The following BCL6 variants were observed in gnomAD, a reference collection of about 807,000 sequenced individuals.
The protein encoded by BCL6 is B-cell lymphoma 6 protein.
BCL6 carries 7 observed loss-of-function variants against 59.5 expected under a neutral mutation model. That is an observed-to-expected ratio of 0.12 (90% confidence interval 0.07 to 0.22). The LOEUF (loss-of-function observed/expected upper bound fraction) is 0.22, where lower values mean the gene tolerates loss of function less well. Ranked by LOEUF, BCL6 falls within the 10% of genes least tolerant of loss-of-function variation. The probability of loss-of-function intolerance (pLI) is 1.00; values close to 1 mark genes in which losing one functional copy is unlikely to be tolerated. For missense variants in BCL6, 685 were observed against 939.4 expected (o/e 0.73, Z 3.54); for synonymous variants, 339 against 349.7 (o/e 0.97, Z 0.34).
At chr3:187,744,198 A>G (rs187715689) in intron 1 of BCL6, among the ~76,000 whole-genome samples, 1 of 152,146 alleles carries the variant, frequency 6.6e-6, no homozygotes, top group African/African-American at 2.4e-5. Flanking sequence ...GCAGCGCCCA[A>G]AATACAAACA....
Position 187,729,491 on chromosome 3 carries a change from C to T in BCL6, c.914G>A (p.Arg305Lys), listed in dbSNP as rs1303425150. Reference protein sequence around the residue: ...PCDKASKEEERPSSEDEIALH... With the variant: ...PCDKASKEEEKPSSEDEIALH... ...GGCAATCTCATCTTCCGAGGAGGGT[C>T]TCTCTTCTTCTTTGCTGGCCTTGTC... The change falls in exon 5 of 10, where the codon AGA becomes AAA. Residue 305 changes from arginine (R) to lysine (K), a missense_variant. Physicochemically the swap from Arg to Lys is conservative, Grantham distance 26. This residue lies in a region of BCL6 where 268 missense variants were observed against 263.8 expected (regional missense o/e 1.02). Coordinates refer to ENST00000406870, the MANE Select transcript of BCL6 (RefSeq NM_001706.5). The surrounding 1 kb of genome is among the most constrained non-coding windows in gnomAD (Gnocchi z 5.6). The T allele has an allele frequency of 3.7e-6, 6 of 1,613,090 alleles. No homozygotes were observed. The highest frequency in any genetic ancestry group is 1.1e-5 in the South Asian group (1 of 91,030).
Position 187,729,992 on chromosome 3 carries a change from G to C in BCL6, c.413C>G (p.Pro138Arg), listed in dbSNP as rs555800838. The C allele has an allele frequency of 2.5e-6, 4 of 1,578,486 alleles. No homozygotes were observed. Among genetic ancestry groups the C allele is most frequent in the Non-Finnish European group, 3.4e-6 (4 of 1,160,604 alleles). The change falls in exon 5 of 10, where the codon CCT becomes CGT. Residue 138 changes from proline to arginine, a missense_variant. Pro to Arg is a moderately radical substitution (Grantham distance 103). Transcript: ENST00000406870. This position sits in a 1 kb window ranked among gnomAD's most constrained non-coding sequence, Gnocchi z 5.6. ...GCTGTTGAGGAACTCTTCACGAGGA[G>C]GCTTGATGGCAGAAACCATCTCTGC... ...SEAEMVSAIK[P>R]PREEFLNSRM... is the part of the protein sequence containing the mutation.
chr3:187,742,862 G>C (rs992776032), intron 1 of BCL6, among the ~76,000 whole-genome samples: 1 of 152,056 alleles, frequency 6.6e-6, no homozygotes, highest in South Asian at 2.1e-4. Context: ...TCTTCTTTGA[G>C]CTCATGTTTG....
At chr3:187,733,180 C>T (rs187066911) in intron 3 of BCL6, among the ~76,000 whole-genome samples, 1 of 152,252 alleles carries the variant, frequency 6.6e-6, no homozygotes, top group Non-Finnish European at 1.5e-5. Context: ...AATTAACTTG[C>T]TTAAGCTACT....
intron 1 of BCL6, among the ~76,000 whole-genome samples, chr3:187,745,179 A>C (rs577114077): frequency 6.6e-6 from 1 of 152,274 alleles, no homozygotes; most frequent in African/African-American, 2.4e-5. Context: ...CGTGGGACTA[A>C]TCTTCGGCAT....
rs545407662 is a variant in BCL6, at chr3:187,725,073, G to C, written c.1845C>G (p.Ala615=). 1.6e-5 allele frequency: 26 copies of C among 1,614,076 alleles called. No homozygotes were observed. The African/African-American group carries it at 3.3e-4, about 21-fold the overall frequency. The part of the protein sequence containing the change: ...ETCGARFVQV[A]HLRAHVLIHT... ...GGATAAGCACATGGGCACGGAGGTG[G>C]GCCACCTGAACGAAGAAGAAGGCAT... is the stretch of plus-strand genomic sequence containing the variant. Residue 615 remains alanine (A), a synonymous_variant, in exon 9 of 10, where the codon GCC becomes GCG. Transcript: ENST00000406870. This position sits in a 1 kb window ranked among gnomAD's most constrained non-coding sequence, Gnocchi z 4.7.
intron 1 of BCL6, among the ~76,000 whole-genome samples, chr3:187,745,106 T>G (rs556453386): frequency 2.6e-5 from 4 of 152,204 alleles, no homozygotes; most frequent in Middle Eastern, 3.4e-3. Flanking sequence ...ACCGGCCGAT[T>G]CACTCAAAGA....
intron 1 of BCL6, among the ~76,000 whole-genome samples, chr3:187,741,763 C>T (rs1711605760): frequency 6.6e-6 from 1 of 152,226 alleles, no homozygotes; most frequent in Admixed American, 6.5e-5. Context: ...CACAAACCTC[C>T]TCAACACACC....
intron 9 of BCL6, 139 bp downstream of exon 9, chr3:187,724,802 T>C: frequency 8.1e-7 from 1 of 1,230,696 alleles, no homozygotes; most frequent in Non-Finnish European, 1.1e-6. Flanking sequence ...ATTAGCGTAG[T>C]GGTTGCCCCA....
At chr3:187,724,308 A>G (rs1190111943) in intron 9 of BCL6, among the ~76,000 whole-genome samples, 1 of 152,198 alleles carries the variant, frequency 6.6e-6, no homozygotes, top group Non-Finnish European at 1.5e-5. Context: ...AACTGTAAAA[A>G]CCATTCCTAG....
intron 1 of BCL6, among the ~76,000 whole-genome samples, chr3:187,745,179 A>G (rs577114077): frequency 1.3e-5 from 2 of 152,270 alleles, no homozygotes; most frequent in South Asian, 2.1e-4. Context: ...CGTGGGACTA[A>G]TCTTCGGCAT....
At chr3:187,744,885 G>A (rs1711835531) in intron 1 of BCL6, among the ~76,000 whole-genome samples, 1 of 152,252 alleles carries the variant, frequency 6.6e-6, no homozygotes, top group East Asian at 1.9e-4. Context: ...ATCACAAGCC[G>A]TACGCAAGCA....
At chr3:187,741,067 C>T (rs1227181980) in intron 1 of BCL6, among the ~76,000 whole-genome samples, 1 of 152,300 alleles carries the variant, frequency 6.6e-6, no homozygotes, top group South Asian at 2.1e-4. Context: ...CGAGAATCGC[C>T]GCGCGGCCGC....
chr3:187,729,255 T>G lies in BCL6; in HGVS notation c.1150A>C (p.Asn384His). The change falls in exon 5 of 10, where the codon AAC becomes CAC. Residue 384 changes from asparagine (N) to histidine (H), a missense_variant. Asn to His is a moderately conservative substitution (Grantham distance 68). Transcript: ENST00000406870. The surrounding 1 kb of genome is among the most constrained non-coding windows in gnomAD (Gnocchi z 5.6). ...NWKKYKFIVL[N>H]SLNQNAKPEG... ...GGTTTGGCATTCTGGTTGAGGCTGT[T>G]GAGCACGATGAACTTGTATTTCTTC... is the stretch of plus-strand genomic sequence containing the variant. 1 of 1,614,124 alleles carries G rather than the reference T, an allele frequency of 6.2e-7. No homozygotes were observed. Among genetic ancestry groups the G allele is most frequent in the Non-Finnish European group, 8.5e-7 (1 of 1,180,016 alleles).
intron 3 of BCL6, among the ~76,000 whole-genome samples, chr3:187,732,766 G>T (rs978303108): frequency 5.9e-5 from 9 of 152,264 alleles, no homozygotes; most frequent in South Asian, 4.1e-4. Flanking sequence ...ATGATGCCTG[G>T]CATATAGTAA....
chr3:187,744,321 T>C (rs1576884716), intron 1 of BCL6, among the ~76,000 whole-genome samples: 2 of 151,716 alleles, frequency 1.3e-5, no homozygotes, highest in Admixed American at 6.6e-5. Flanking sequence ...CGCACCCCTT[T>C]CCCACCCACC....
chr3:187,725,562 G>A lies in BCL6; in HGVS notation c.1776C>T (p.His592=), dbSNP rs2108557645. 1.2e-6 allele frequency: 2 copies of A among 1,614,222 alleles called. No homozygotes were observed. Among genetic ancestry groups the A allele is most frequent in the African/African-American group, 1.3e-5 (1 of 75,056 alleles). ...QFNRPANLKT[H]TRIHSGEKPY... ...GCTTCTCTCCAGAGTGAATTCGAGTGTGGGTTTTCAGGTTGGCTGGCCGGT... is the reference window on the plus strand; with the variant it reads ...GCTTCTCTCCAGAGTGAATTCGAGTATGGGTTTTCAGGTTGGCTGGCCGGT... The change falls in exon 8 of 10, where the codon CAC becomes CAT. Residue 592 remains histidine, a synonymous_variant. Transcript: ENST00000406870. This position sits in a 1 kb window ranked among gnomAD's most constrained non-coding sequence, Gnocchi z 4.7.
chr3:187,744,603 GTTCGCTTGCATTTTTTCCTTCCAAAT>G, intron 1 of BCL6, among the ~76,000 whole-genome samples: 1 of 152,186 alleles, frequency 6.6e-6, no homozygotes, highest in South Asian at 2.1e-4. Flanking sequence ...AACCCAAAGA[GTTCGCTTGCATTTTTTCCTTCCAAAT>G]CTCGGTTCGG....
chr3:187,725,467 G>A lies in BCL6; in HGVS notation c.1839+32C>T, dbSNP rs1718642574. ...GCTCGCCTGCCCGCTCCGCTCGCCTGCCCGCTCCGCTCGCCTGCCCACTCT... is the reference window on the plus strand; with the variant it reads ...GCTCGCCTGCCCGCTCCGCTCGCCTACCCGCTCCGCTCGCCTGCCCACTCT... On this transcript the variant is annotated intron_variant, in intron 8 of 9. Transcript: ENST00000406870. The surrounding 1 kb of genome is among the most constrained non-coding windows in gnomAD (Gnocchi z 4.7). 8.1e-7 allele frequency: 1 copy of A among 1,239,760 alleles called. No individual in the cohort carries two copies. The highest frequency in any genetic ancestry group is 1.1e-6 in the Non-Finnish European group (1 of 905,346). The allele number at this position is 1,239,760 out of a possible 1,614,324, so 76.8% of individuals were successfully genotyped here.
Sources: gnomAD v4.1 joint callset for allele counts (sites outside exome capture counted in the v4.1 genomes callset) on GRCh38, gnomAD v4.1.1 for gene constraint, gnomAD v4.1.1 regional missense constraint, Gnocchi (gnomAD v3.1) non-coding constraint, MANE v1.5 for transcripts, NCBI Gene and HGNC (gene_info 2026-07-23, HGNC 2026-07-21) for gene names.